NDUFAF6: variants seen among roughly 807,000 people sequenced by gnomAD.
NDUFAF6 encodes NADH dehydrogenase (ubiquinone) complex I, assembly factor 6.
Under a neutral mutation model 40.8 loss-of-function variants are expected in NDUFAF6, and 45 were observed. The ratio of observed to expected loss-of-function variants is 1.10; its 90% CI spans 0.87 to 1.42. The LOEUF (loss-of-function observed/expected upper bound fraction) is 1.42, where lower values mean the gene tolerates loss of function less well. Ranked by LOEUF, NDUFAF6 falls within the 40% of genes most tolerant of loss-of-function variation. The pLI is 0.00. For missense variants in NDUFAF6, 435 were observed against 418.5 expected (o/e 1.04, Z -0.34); for synonymous variants, 185 against 155.9 (o/e 1.19, Z -1.39).
intron 1 of NDUFAF6, among the ~76,000 whole-genome samples, chr8:94,901,323 A>G (rs1818001527): frequency 6.6e-6 from 1 of 152,012 alleles, no homozygotes; most frequent in African/African-American, 2.4e-5. Context: ...AGAAGCAGGG[A>G]GACTGGATAG....
chr8:95,116,100 T>C (rs1810129686), intron 5 of NDUFAF6, among the ~76,000 whole-genome samples: 1 of 152,030 alleles, frequency 6.6e-6, no homozygotes, highest in Admixed American at 6.5e-5. Context: ...ATCGCGCCAC[T>C]GCACTCCAGC....
chr8:94,989,972 C>T (rs77242481), intron 2 of NDUFAF6, among the ~76,000 whole-genome samples: 1,659 of 152,310 alleles, frequency 0.011, 30 homozygotes, highest in African/African-American at 0.038. Context: ...TCATGCAATC[C>T]GCCTGCCTTG....
At chr8:95,049,608 G>A (rs1336468453) in intron 7 of NDUFAF6, among the ~76,000 whole-genome samples, 2 of 152,032 alleles carry the variant, frequency 1.3e-5, no homozygotes, top group Middle Eastern at 3.2e-3. Context: ...TAAAGAGTTG[G>A]ACACTTACCT....
intron 1 of NDUFAF6, chr8:94,940,701 A>G: frequency 1.5e-6 from 1 of 661,902 alleles, no homozygotes; most frequent in Non-Finnish European, 2.5e-6. Flanking sequence ...GCAATTTTTT[A>G]AAGACAAACT....
At chr8:95,044,299 A>G (rs1830476534) in intron 4 of NDUFAF6, among the ~76,000 whole-genome samples, 3 of 152,074 alleles carry the variant, frequency 2.0e-5, no homozygotes. Flanking sequence ...CTGGAATTAG[A>G]TAGTAGTGAT....
At chr8:95,065,726 G>GCA (rs1425401298) in intron 9 of NDUFAF6, among the ~76,000 whole-genome samples, 1 of 152,114 alleles carries the variant, frequency 6.6e-6, no homozygotes, top group African/African-American at 2.4e-5. Context: ...TGAAAAGCCA[G>GCA]CATAACCTTT....
upstream of NDUFAF6, among the ~76,000 whole-genome samples, chr8:95,098,792 C>T (rs544971375): frequency 6.6e-6 from 1 of 150,528 alleles, no homozygotes; most frequent in East Asian, 2.0e-4. Flanking sequence ...GCGTGTGGCA[C>T]GCATCTATAA....
At chr8:95,024,723 ACTT>A (rs1827861370), upstream of NDUFAF6, among the ~76,000 whole-genome samples, 3 of 152,072 alleles carry the variant, frequency 2.0e-5, no homozygotes, top group South Asian at 6.2e-4. Context: ...AGCACCCATC[ACTT>A]CTTGTAGGTG....
chr8:95,053,681 A>G (rs1357188040), intron 8 of NDUFAF6, among the ~76,000 whole-genome samples: 1 of 150,104 alleles, frequency 6.7e-6, no homozygotes, highest in African/African-American at 2.5e-5. Context: ...CCTAGAGTGC[A>G]GTGGTGTGAT....
chr8:94,983,116 T>C (rs1212943243), intron 2 of NDUFAF6, among the ~76,000 whole-genome samples: 1 of 152,136 alleles, frequency 6.6e-6, no homozygotes, highest in Non-Finnish European at 1.5e-5. Context: ...ATGATATACA[T>C]GAAGTCTAGG....
At chr8:95,010,291 G>A (rs1043149885) in intron 2 of NDUFAF6, among the ~76,000 whole-genome samples, 1 of 152,114 alleles carries the variant, frequency 6.6e-6, no homozygotes, top group Non-Finnish European at 1.5e-5. Flanking sequence ...GTTTTGCTAT[G>A]TTGGCCAGCC....
intron 2 of NDUFAF6, among the ~76,000 whole-genome samples, chr8:95,013,431 A>G (rs9297950): frequency 0.13 from 19,952 of 152,256 alleles, 1,332 homozygotes; most frequent in Middle Eastern, 0.23. Context: ...ATTGATCTCC[A>G]CTGAGCCTTT....
chr8:95,116,775 G>A (rs563754445), downstream of NDUFAF6, among the ~76,000 whole-genome samples: 3 of 152,334 alleles, frequency 2.0e-5, no homozygotes, highest in Admixed American at 2.0e-4. Flanking sequence ...AGCCTTGGTT[G>A]AAATCAACAG....
At chr8:95,000,714 C>A (rs1195787138) in intron 2 of NDUFAF6, among the ~76,000 whole-genome samples, 1 of 151,232 alleles carries the variant, frequency 6.6e-6, no homozygotes, top group African/African-American at 2.4e-5. Flanking sequence ...GGCGGTCAGA[C>A]TGCTGGAGGT....
intron 1 of NDUFAF6, chr8:94,940,093 A>G: frequency 3.7e-6 from 6 of 1,614,240 alleles, no homozygotes; most frequent in Non-Finnish European, 5.1e-6. Context: ...AGCAGGAATC[A>G]CTTGTATCAG....
At chr8:95,052,029 A>C (rs1203712069) in intron 7 of NDUFAF6, 145 bp from the exon 8 acceptor site, 4 of 758,856 alleles carry the variant, frequency 5.3e-6, no homozygotes, top group Non-Finnish European at 9.2e-6. Flanking sequence ...GGCCTAGGAA[A>C]CTAATCTTAA....
At chr8:94,981,802 CACTT>C (rs1216880509) in intron 2 of NDUFAF6, among the ~76,000 whole-genome samples, 5 of 152,078 alleles carry the variant, frequency 3.3e-5, no homozygotes, top group African/African-American at 9.6e-5. Context: ...GGCAGATGTA[CACTT>C]ACACACTGCA....
chr8:94,949,957 C>T, intron 2 of NDUFAF6: 1 of 152,670 alleles, frequency 6.6e-6, no homozygotes, highest in Non-Finnish European at 1.5e-5. Context: ...CGCTCAATCA[C>T]GGAGCCAGGC....
intron 2 of NDUFAF6, among the ~76,000 whole-genome samples, chr8:94,997,262 T>A (rs1378340008): frequency 2.2e-5 from 3 of 135,210 alleles, no homozygotes; most frequent in African/African-American, 8.5e-5. Flanking sequence ...CTGCCAGGAT[T>A]TCAGTAGGCA....
Sources: allele counts gnomAD v4.1 joint callset (sites outside exome capture counted in the v4.1 genomes callset), GRCh38; gene constraint gnomAD v4.1.1; transcripts MANE v1.5; gene names NCBI Gene and HGNC (gene_info 2026-07-23, HGNC 2026-07-21).